VPS13A: variants seen among roughly 807,000 people sequenced by gnomAD.
VPS13A encodes intermembrane lipid transfer protein VPS13A.
In VPS13A, 264 loss-of-function variants were observed where a neutral mutation model predicts 390.9. That is an observed-to-expected ratio of 0.68 (90% CI 0.61 to 0.75). The LOEUF is 0.75. Ranked by LOEUF, VPS13A falls within the 30% of genes least tolerant of loss-of-function variation. The pLI is 0.00. For missense variants in VPS13A, 3,409 were observed against 3,733.9 expected (o/e 0.91, Z 2.27); for synonymous variants, 1,231 against 1,227.1 (o/e 1.00, Z -0.07).
At position 77,337,456 on chromosome 9, in the gene VPS13A, G is replaced by C. The variant is rs1476197903; in HGVS notation, c.6297G>C (p.Trp2099Cys). 2 of 1,613,260 alleles carry C rather than the reference G, an allele frequency of 1.2e-6. No individual in the cohort carries two copies. The highest frequency in any genetic ancestry group is 2.7e-5 in the African/African-American group (2 of 74,858). The change falls in exon 47 of 72, where the codon TGG becomes TGC. Residue 2099 changes from tryptophan to cysteine, a missense_variant. Physicochemically the swap from Trp to Cys is radical, Grantham distance 215. Transcript: ENST00000360280. ...TSLSVYSEDG[W>C]DLPYIMHLWP... ...TATCAGTGTATTCAGAAGATGGTTG[G>C]GATTTACCATACATAATGCATTTGT...
chr9:77,328,980 G>T (rs573341885), intron 45 of VPS13A, among the ~76,000 whole-genome samples: 24 of 152,244 alleles, frequency 1.6e-4, no homozygotes, highest in Admixed American at 1.4e-3. Context: ...CAAGGCAGCA[G>T]GAAGGAGAAG....
intron 69 of VPS13A, among the ~76,000 whole-genome samples, chr9:77,404,990 CTTT>C (rs796595000): frequency 6.8e-6 from 1 of 146,708 alleles, no homozygotes. Context: ...GGAGTCAGAC[CTTT>C]TTTTTTTTAA....
chr9:77,313,592 T>A (rs990177397), intron 35 of VPS13A, among the ~76,000 whole-genome samples: 1 of 152,200 alleles, frequency 6.6e-6, no homozygotes, highest in Non-Finnish European at 1.5e-5. Flanking sequence ...GTAGAAAAAT[T>A]TTAAAAATGT....
chr9:77,295,861 A>G lies in VPS13A; in HGVS notation c.3812+15A>G. On this transcript the variant is annotated intron_variant, in intron 33 of 71. Transcript: ENST00000360280. ...CGACTATACAGGTAAGCTTTTCACA[A>G]GTATATTTGTGTGGAATGCAATATT... 1 of 1,612,164 alleles carries G rather than the reference A, an allele frequency of 6.2e-7. No individual in the cohort carries two copies. The highest frequency in any genetic ancestry group is 1.3e-5 in the African/African-American group (1 of 75,036).
chr9:77,410,437 A>G (rs1465115503), intron 71 of VPS13A, among the ~76,000 whole-genome samples: 1 of 152,206 alleles, frequency 6.6e-6, no homozygotes, highest in Admixed American at 6.5e-5. Context: ...TCAAATTCAC[A>G]CATAACAATA....
chr9:77,283,684 A>T, intron 31 of VPS13A, 34 bp downstream of exon 31: 1 of 1,458,440 alleles, frequency 6.9e-7, no homozygotes, highest in Non-Finnish European at 9.5e-7. Context: ...ATAGTACATC[A>T]TTAAATAGGA....
chr9:77,303,546 C>CA (rs1167952307), intron 34 of VPS13A, among the ~76,000 whole-genome samples: 4 of 152,136 alleles, frequency 2.6e-5, no homozygotes, highest in Non-Finnish European at 4.4e-5. Context: ...AGGGGACCAG[C>CA]ACTCAGCACA....
chr9:77,286,815 G>C (rs930685254), intron 31 of VPS13A, among the ~76,000 whole-genome samples: 1 of 152,120 alleles, frequency 6.6e-6, no homozygotes, highest in African/African-American at 2.4e-5. Context: ...ATACTATTAA[G>C]TATAAGCCTG....
chr9:77,276,315 A>C lies in VPS13A; in HGVS notation c.2824+94A>C, dbSNP rs941957513. Reference sequence around the variant, plus strand: ...AATTCTTTAGGCTCTGAATCAGTACATTTGCTGAAATATTCTCAGAGAACC... The same window carrying C: ...AATTCTTTAGGCTCTGAATCAGTACCTTTGCTGAAATATTCTCAGAGAACC... On this transcript the variant is annotated intron_variant, in intron 26 of 71. Transcript: ENST00000360280. The C allele has an allele frequency of 1.2e-5, 14 of 1,165,972 alleles. No individual in the cohort carries two copies. The African/African-American group carries it at 2.0e-4, about 17-fold the overall frequency. 72.2% of individuals were successfully genotyped at this position (1,165,972 alleles called of 1,614,324 possible).
chr9:77,256,661 T>C (rs763724631), intron 22 of VPS13A, among the ~76,000 whole-genome samples: 31 of 152,194 alleles, frequency 2.0e-4, no homozygotes, highest in Non-Finnish European at 4.3e-4. Context: ...TATATATTTT[T>C]GAACTCTGAT....
chr9:77,344,756 C>T (rs1282786859), intron 51 of VPS13A, among the ~76,000 whole-genome samples: 1 of 148,986 alleles, frequency 6.7e-6, no homozygotes, highest in Non-Finnish European at 1.5e-5. Context: ...AAGACTCCGT[C>T]TCAAGAAAAA....
chr9:77,246,940 A>G lies in VPS13A; in HGVS notation c.1901-319A>G, dbSNP rs11145357. 0.31 allele frequency among the ~76,000 whole-genome samples: 47,657 copies of G among 151,864 alleles called. 8,001 individuals carry two copies. Among genetic ancestry groups the G allele is most frequent in the East Asian group, 0.51 (2,644 of 5,164 alleles). ...GAGAAGTATCTATGTAGATTCTAAG[A>G]GTTGTTGTGAGTAAATATTTTATGC... is the stretch of plus-strand genomic sequence containing the variant. On this transcript the variant is annotated intron_variant, in intron 19 of 71. Coordinates refer to ENST00000360280, the MANE Select transcript of VPS13A (RefSeq NM_033305.3).
At chr9:77,274,686 G>A (rs117416112) in intron 24 of VPS13A, among the ~76,000 whole-genome samples, 2,743 of 151,814 alleles carry the variant, frequency 0.018, 39 homozygotes, top group Middle Eastern at 0.045. Context: ...TTTAATGACC[G>A]TATTAGAAAA....
At chr9:77,229,521 T>C (rs1310699155) in intron 17 of VPS13A, among the ~76,000 whole-genome samples, 1 of 152,264 alleles carries the variant, frequency 6.6e-6, no homozygotes, top group Non-Finnish European at 1.5e-5. Flanking sequence ...ATGAATGTAG[T>C]CATACAATAT....
chr9:77,280,290 G>A (rs1331859383), intron 27 of VPS13A, 52 bp downstream of exon 27: 2 of 1,439,902 alleles, frequency 1.4e-6, no homozygotes, highest in Non-Finnish European at 2.0e-6. Flanking sequence ...CTGCTGAAAT[G>A]TTAAGTTTTG....
At chr9:77,249,492 G>A (rs766734111) in intron 20 of VPS13A, among the ~76,000 whole-genome samples, 5 of 152,098 alleles carry the variant, frequency 3.3e-5, no homozygotes, top group Admixed American at 6.5e-5. Context: ...GAGCTATATA[G>A]AGGGAAAAAA....
Position 77,293,517 on chromosome 9 carries a change from T to C in VPS13A, c.3507+9T>C. On this transcript the variant is annotated intron_variant, in intron 32 of 71. Coordinates refer to ENST00000360280, the MANE Select transcript of VPS13A (RefSeq NM_033305.3). ...TTCTATATTCTATATTGGTAAGTAT[T>C]TTATTAAATTATTATTTATTTTATA... The C allele has an allele frequency of 7.2e-7, 1 of 1,393,912 alleles. No individual in the cohort carries two copies. The highest frequency in any genetic ancestry group is 9.6e-7 in the Non-Finnish European group (1 of 1,045,520). 86.3% of individuals were successfully genotyped at this position (1,393,912 alleles called of 1,614,324 possible).
At chr9:77,376,112 G>A (rs1305591291) in intron 67 of VPS13A, among the ~76,000 whole-genome samples, 2 of 152,194 alleles carry the variant, frequency 1.3e-5, no homozygotes, top group African/African-American at 4.8e-5. Context: ...GGTGAGCCAT[G>A]TGAGAAGAAT....
At chr9:77,183,896 A>G (rs1281237933) in intron 1 of VPS13A, among the ~76,000 whole-genome samples, 1 of 152,248 alleles carries the variant, frequency 6.6e-6, no homozygotes, top group Non-Finnish European at 1.5e-5. Flanking sequence ...TACCATTAAT[A>G]TTTAACCACA....
Sources: gnomAD v4.1 joint callset for allele counts (sites outside exome capture counted in the v4.1 genomes callset) on GRCh38, gnomAD v4.1.1 for gene constraint, MANE v1.5 for transcripts, NCBI Gene and HGNC (gene_info 2026-07-23, HGNC 2026-07-21) for gene names.